The following ZFAT variants were observed in gnomAD, a reference collection of about 807,000 sequenced individuals.
The protein encoded by ZFAT is zinc finger and AT-hook domain containing.
In ZFAT, 64 loss-of-function variants were observed where a neutral mutation model predicts 117.7. That is an observed-to-expected ratio of 0.54 (90% CI 0.44 to 0.67). The LOEUF (loss-of-function observed/expected upper bound fraction) is 0.67. Ranked by LOEUF, ZFAT falls within the 30% of genes least tolerant of loss-of-function variation. The pLI, the probability that ZFAT is intolerant of heterozygous loss-of-function variation, is 0.00. For missense variants in ZFAT, 1,433 were observed against 1,584.5 expected (o/e 0.90, Z 1.62); for synonymous variants, 679 against 615.0 (o/e 1.10, Z -1.54).
chr8:134,615,451 A>G (rs1586822155), intron 3 of ZFAT, among the ~76,000 whole-genome samples: 1 of 152,216 alleles, frequency 6.6e-6, no homozygotes, highest in African/African-American at 2.4e-5. Flanking sequence ...GGCCTCCCAA[A>G]GTGCTAAGAT....
chr8:134,529,151 A>C (rs1821229690), intron 12 of ZFAT, among the ~76,000 whole-genome samples: 1 of 152,154 alleles, frequency 6.6e-6, no homozygotes. Flanking sequence ...GCCCAGGTCC[A>C]TCTGACTCCC....
At chr8:134,769,036 G>T in the ZFAT span, among the ~76,000 whole-genome samples, 3 of 152,274 alleles carry the variant, frequency 2.0e-5, no homozygotes, top group African/African-American at 7.2e-5. Context: ...GCCAGGTGTG[G>T]TGGGGTGTGC....
At chr8:134,690,672 G>A (rs1241250908) in intron 1 of ZFAT, among the ~76,000 whole-genome samples, 1 of 152,200 alleles carries the variant, frequency 6.6e-6, no homozygotes, top group East Asian at 1.9e-4. Context: ...ACTGGGAAAA[G>A]AAGAATTCTC....
At chr8:134,556,193 T>C (rs1823612569) in intron 11 of ZFAT, among the ~76,000 whole-genome samples, 1 of 152,158 alleles carries the variant, frequency 6.6e-6, no homozygotes, top group Non-Finnish European at 1.5e-5. Context: ...AGATTTAATA[T>C]ATCCTAAGAA....
the ZFAT span, among the ~76,000 whole-genome samples, chr8:134,728,923 A>AT: frequency 2.8e-4 from 43 of 151,886 alleles, no homozygotes; most frequent in South Asian, 8.1e-3. Flanking sequence ...CTCATTCTGG[A>AT]TTTTTTTTAA....
intron 7 of ZFAT, among the ~76,000 whole-genome samples, chr8:134,591,202 T>C (rs1826479405): frequency 6.6e-6 from 1 of 152,202 alleles, no homozygotes; most frequent in African/African-American, 2.4e-5. Flanking sequence ...ATAGGCACAG[T>C]TCATGCTCAT....
chr8:134,575,810 C>G (rs1825257629), intron 10 of ZFAT, among the ~76,000 whole-genome samples: 1 of 152,224 alleles, frequency 6.6e-6, no homozygotes, highest in Non-Finnish European at 1.5e-5. Flanking sequence ...CATTTTGCAG[C>G]AAGTGTTTTG....
At chr8:134,511,371 T>A (rs1819828865) in intron 14 of ZFAT, among the ~76,000 whole-genome samples, 1 of 152,180 alleles carries the variant, frequency 6.6e-6, no homozygotes, top group Non-Finnish European at 1.5e-5. Flanking sequence ...AGAACCTCAG[T>A]GCTGAGAGCC....
the ZFAT span, among the ~76,000 whole-genome samples, chr8:134,764,389 T>C: frequency 6.6e-6 from 1 of 152,226 alleles, no homozygotes; most frequent in African/African-American, 2.4e-5. Context: ...CTGCAAGTGT[T>C]ATAATAAATC....
chr8:134,781,975 G>C, the ZFAT span, among the ~76,000 whole-genome samples: 1 of 152,182 alleles, frequency 6.6e-6, no homozygotes, highest in African/African-American at 2.4e-5. Flanking sequence ...CCAGTCAATA[G>C]CAGTAGTTAA....
chr8:134,667,777 CA>C (rs1832310113), intron 1 of ZFAT, among the ~76,000 whole-genome samples: 1 of 152,068 alleles, frequency 6.6e-6, no homozygotes. Flanking sequence ...ACAGTAGGTG[CA>C]GCCCACTGAG....
intron 3 of ZFAT, among the ~76,000 whole-genome samples, chr8:134,622,179 G>C (rs528094581): frequency 2.0e-5 from 3 of 152,094 alleles, no homozygotes; most frequent in Non-Finnish European, 4.4e-5. Flanking sequence ...GGTTTCTTTC[G>C]GTTTGTATTA....
intron 2 of ZFAT, among the ~76,000 whole-genome samples, chr8:134,657,125 C>A (rs1586904009): frequency 6.6e-6 from 1 of 152,176 alleles, no homozygotes; most frequent in East Asian, 1.9e-4. Context: ...GTGTGCCAGG[C>A]ATCATCTTAG....
intron 12 of ZFAT, among the ~76,000 whole-genome samples, chr8:134,531,637 G>T (rs935179882): frequency 2.0e-5 from 3 of 152,174 alleles, no homozygotes; most frequent in African/African-American, 4.8e-5. Context: ...AATGCAGATT[G>T]GAGCCAGAGA....
intron 1 of ZFAT, among the ~76,000 whole-genome samples, chr8:134,663,353 A>G (rs563388764): frequency 2.3e-4 from 35 of 152,358 alleles, no homozygotes; most frequent in African/African-American, 7.5e-4. Context: ...ATTTGGTATG[A>G]ATACAATTTT....
At chr8:134,694,127 A>C (rs1833713414) in intron 1 of ZFAT, among the ~76,000 whole-genome samples, 1 of 152,160 alleles carries the variant, frequency 6.6e-6, no homozygotes, top group African/African-American at 2.4e-5. Flanking sequence ...GAGTGAAGAG[A>C]CATGACGCTG....
intron 1 of ZFAT, among the ~76,000 whole-genome samples, chr8:134,699,044 TC>T (rs1384292221): frequency 6.6e-6 from 1 of 152,170 alleles, no homozygotes; most frequent in Non-Finnish European, 1.5e-5. Context: ...AGCCTGGTGT[TC>T]CAGGGCACCT....
rs1018652537 is a variant in ZFAT at position 134,602,255 on chromosome 8, C to G, written c.1464G>C (p.Leu488Phe). 6.2e-7 allele frequency: 1 copy of G among 1,613,796 alleles called. No individual in the cohort carries two copies. Among genetic ancestry groups the G allele is most frequent in the East Asian group, 2.2e-5 (1 of 44,886 alleles). ...KEVHGAAQEA[L>F]VFTSSINQSF... ...TCTGGTTGATGGAACTGGTGAAGAC[C>G]AAGGCCTCCTGGGCAGCCCCGTGCA... The change falls in exon 6 of 16, where the codon TTG (leucine) becomes TTC (phenylalanine). Residue 488 changes from leucine (L) to phenylalanine (F), a missense_variant. Transcript: ENST00000377838.
At chr8:134,564,260 C>T (rs1254721554) in intron 11 of ZFAT, among the ~76,000 whole-genome samples, 2 of 151,558 alleles carry the variant, frequency 1.3e-5, no homozygotes, top group African/African-American at 4.8e-5. Context: ...AGAAACTAGC[C>T]TTGGCCCTGC....
Sources: allele counts gnomAD v4.1 joint callset (sites outside exome capture counted in the v4.1 genomes callset), GRCh38; gene constraint gnomAD v4.1.1; transcripts MANE v1.5; gene names NCBI Gene and HGNC (gene_info 2026-07-23, HGNC 2026-07-21).